MUC4: variants seen among roughly 807,000 people sequenced by gnomAD.
The protein encoded by MUC4 is mucin 4, cell surface associated, also known as mucin-4.
Under a neutral mutation model 257.9 loss-of-function variants are expected in MUC4, and 202 were observed. That is an observed-to-expected ratio of 0.78 (90% CI 0.70 to 0.88). The LOEUF (loss-of-function observed/expected upper bound fraction) is 0.88, where lower values mean the gene tolerates loss of function less well. Among genes scored for constraint, MUC4 ranks in the 40% least tolerant of loss-of-function variants. MUC4 has a pLI of 0.00. For missense variants in MUC4, 5,976 were observed against 6,513.7 expected, an observed-to-expected ratio of 0.92 and a Z score of 2.84; for synonymous variants, 2,351 against 2,757.1, an observed-to-expected ratio of 0.85 and a Z score of 4.62.
chr3:195,778,843 G>C lies in MUC4; in HGVS notation c.12737C>G (p.Ala4246Gly), dbSNP rs374917495. 1.2e-5 allele frequency: 20 copies of C among 1,611,906 alleles called. No homozygotes were observed. Among genetic ancestry groups the C allele is most frequent in the African/African-American group, 9.4e-5 (7 of 74,856 alleles). ...CGAGGATACTGTGGAAGCTGAGGTA[G>C]CACTGCTGACAGCAAGAGGGGTGGC... ...GHATPLAVSS[A>G]TSASTVSSDS... Residue 4246 changes from alanine (A) to glycine (G), a missense_variant, in exon 2 of 25, where the codon GCT (alanine) becomes GGT (glycine). Transcript: ENST00000463781.
rs1205584837 is a variant in MUC4 at position 195,786,410 on chromosome 3, C to T, written c.5170G>A (p.Gly1724Ser). The T allele has an allele frequency of 1.3e-6, 2 of 1,531,990 alleles. No homozygotes were observed. The highest frequency in any genetic ancestry group is 2.5e-5 in the East Asian group (1 of 40,472). 94.9% of individuals were successfully genotyped at this position (1,531,990 alleles called of 1,614,324 possible). The change falls in exon 2 of 25, where the codon GGT becomes AGT. Residue 1724 changes from glycine to serine, a missense_variant. Gly to Ser is a moderately conservative substitution (Grantham distance 56). This residue lies in a region of MUC4 where 138 missense variants were observed against 107.8 expected (regional missense o/e 1.28). Coordinates refer to ENST00000463781, the MANE Select transcript of MUC4 (RefSeq NM_018406.7). The stretch of plus-strand genomic sequence containing the variant: ...GTGACAGGAAGAGGCGTGGTGTCAC[C>T]TGTGGATACTGAGGAAAGGCTGGTG... ...PVTSLSSVST[G>S]DTTPLPVTSP...
chr3:195,789,219 G>A lies in MUC4; in HGVS notation c.2361C>T (p.Thr787=), dbSNP rs1358360843. 3 of 1,613,918 alleles carry A rather than the reference G, an allele frequency of 1.9e-6. 1 individual carries two copies. The Admixed American group carries it at 5.0e-5, about 27-fold the overall frequency. The part of the protein sequence containing the change: ...ESTEASGQTQ[T]SEPASSGSRT... ...GTGACCCTGAGGAGGCCGGTTCGCT[G>A]GTCTGTGTTTGTCCAGAGGCCTCTG... The change falls in exon 2 of 25, where the codon ACC becomes ACT. Residue 787 remains threonine, a synonymous_variant. Transcript: ENST00000463781.
chr3:195,803,288 G>A (rs748093989), intron 1 of MUC4, among the ~76,000 whole-genome samples: 1 of 152,196 alleles, frequency 6.6e-6, no homozygotes, highest in Non-Finnish European at 1.5e-5. Flanking sequence ...CCCGATTCTT[G>A]CGTGCCTTCC....
Position 195,782,955 on chromosome 3 carries a change from T to G in MUC4, c.8625A>C (p.Thr2875=), listed in dbSNP as rs1437772700. 50 of 1,209,580 alleles carry G rather than the reference T, an allele frequency of 4.1e-5. 2 individuals are homozygous for G. Among genetic ancestry groups the G allele is most frequent in the Middle Eastern group, 5.6e-4 (2 of 3,548 alleles). 74.9% of individuals were successfully genotyped at this position (1,209,580 alleles called of 1,614,324 possible). A position where few individuals can be genotyped will look rare whatever the true frequency, so the allele number is the denominator to read the frequency against. The change falls in exon 2 of 25, where the codon ACA becomes ACC. Residue 2875 remains threonine, a synonymous_variant. Transcript: ENST00000463781. The part of the protein sequence containing the change: ...LPVTDASSVS[T]GHATPLPVTD... ...TGACAGGAAGAGGGGTGGCATGACC[T>G]GTGGACACTGAGGAAGCGTCGGTGA... is the stretch of plus-strand genomic sequence containing the variant.
Position 195,780,551 on chromosome 3 carries a change from C to T in MUC4, c.11029G>A (p.Asp3677Asn). 5.9e-6 allele frequency: 3 copies of T among 506,946 alleles called. No individual in the cohort carries two copies. Among genetic ancestry groups the T allele is most frequent in the Non-Finnish European group, 8.4e-6 (3 of 358,358 alleles). The allele number at this position is 506,946 out of a possible 1,614,324, so 31.4% of individuals were successfully genotyped here. A position where few individuals can be genotyped will look rare whatever the true frequency, so the allele number is the denominator to read the frequency against. The change falls in exon 2 of 25, where the codon GAC becomes AAC. Residue 3677 changes from aspartate to asparagine, a missense_variant. Asp to Asn is a conservative substitution (Grantham distance 23, BLOSUM62 1). Around this residue, in one of 44 missense-constraint regions of MUC4, gnomAD observed 330 missense variants for 262.0 expected, o/e 1.26. Coordinates refer to ENST00000463781, the MANE Select transcript of MUC4 (RefSeq NM_018406.7). ...VTDTSSASTG[D>N]TTRLPVTDTS... ...TCCGTGACAGGAAGACGGGTGGTGT[C>T]ACCTGTGGATGCTGAGGAAGTGTCG...
intron 1 of MUC4, among the ~76,000 whole-genome samples, chr3:195,793,336 G>GA (rs1005590895): frequency 1.3e-4 from 20 of 149,638 alleles, no homozygotes; most frequent in South Asian, 1.1e-3. Context: ...GTCTCTACTA[G>GA]AAAAAAAAAT....
In MUC4 at chr3:195,782,906, C is replaced by G. The variant is rs1729003471; in HGVS notation, c.8674G>C (p.Gly2892Arg). The G allele has an allele frequency of 1.3e-6, 2 of 1,515,814 alleles. No individual in the cohort carries two copies. The highest frequency in any genetic ancestry group is 2.0e-5 in the Admixed American group (1 of 49,336). The allele number at this position is 1,515,814 out of a possible 1,614,324, so 93.9% of individuals were successfully genotyped here. ...GTGAGAGGAAGAGGGGTAGCGTGAC[C>G]TGTGGACACTGAGGAAGCGTCGGTG... ...PVTDASSVST[G>R]HATPLPLTSL... The change falls in exon 2 of 25, where the codon GGT becomes CGT. Residue 2892 changes from glycine to arginine, a missense_variant. Gly to Arg is a moderately radical substitution (Grantham distance 125). Around this residue, in one of 44 missense-constraint regions of MUC4, gnomAD observed 228 missense variants for 206.3 expected, o/e 1.11. Coordinates refer to ENST00000463781, the MANE Select transcript of MUC4 (RefSeq NM_018406.7).
At position 195,788,769 on chromosome 3, in the gene MUC4, G is replaced by C; in HGVS notation, c.2811C>G (p.Pro937=). Residue 937 remains proline, a synonymous_variant, in exon 2 of 25, where the codon CCC becomes CCG. Transcript: ENST00000463781. ...CAGTGGATGTGATCGATGGAGGTGTGGGTGGGACTGTTGAGAAGGTGTCGG... is the reference window on the plus strand; with the variant it reads ...CAGTGGATGTGATCGATGGAGGTGTCGGTGGGACTGTTGAGAAGGTGTCGG... ...QATDTFSTVP[P]TPPSITSTGL... The C allele has an allele frequency of 6.2e-7, 1 of 1,613,922 alleles. No individual in the cohort carries two copies. The highest frequency in any genetic ancestry group is 8.5e-7 in the Non-Finnish European group (1 of 1,179,840).
rs758466462 is a variant in MUC4 at position 195,759,168 on chromosome 3, G to C, written c.14942C>G (p.Ala4981Gly). Residue 4981 changes from alanine to glycine, a missense_variant, in exon 17 of 25, where the codon GCC becomes GGC. By Grantham distance (60) the Ala-to-Gly change is moderately conservative. Transcript: ENST00000463781. ...LIQYTSNAED[A>G]NFTLRDSCTD... ...GCAGCTGTCTCTGAGCGTGAAGTTG[G>C]CATCCTCAGCATTGCTGGTGTACTG... The C allele has an allele frequency of 1.9e-6, 3 of 1,613,946 alleles. No homozygotes were observed. The highest frequency in any genetic ancestry group is 1.7e-5 in the Admixed American group (1 of 59,992).
Position 195,811,763 on chromosome 3 carries a change from G to A in MUC4, c.55C>T (p.Leu19Phe). The A allele has an allele frequency of 6.2e-7, 1 of 1,614,082 alleles. No homozygotes were observed. The highest frequency in any genetic ancestry group is 1.1e-5 in the South Asian group (1 of 91,086). ...GGGACCACATGCGGAAGGAGGCAGA[G>A]ACACAGGCAGCTCAGGGACACCCAG... ...VPWVSLSCLC[L>F]CLLPHVVPGT... Residue 19 changes from leucine (L) to phenylalanine (F), a missense_variant, in exon 1 of 25, where the codon CTC becomes TTC. Leu to Phe is a conservative substitution (Grantham distance 22). Transcript: ENST00000463781.
chr3:195,756,647 T>TTTC (rs1717726705), intron 18 of MUC4, among the ~76,000 whole-genome samples: 1 of 9,060 alleles, frequency 1.1e-4, no homozygotes, highest in Non-Finnish European at 3.8e-4. Context: ...TCTTTCTTTC[T>TTTC]TTTCTTTTCT....
At chr3:195,767,435 T>TCACCAC (rs1720797632) in intron 7 of MUC4, among the ~76,000 whole-genome samples, 1 of 97,220 alleles carries the variant, frequency 1.0e-5, no homozygotes, top group African/African-American at 4.3e-5. Context: ...ACCATCACCA[T>TCACCAC]CACCATCACC....
intron 1 of MUC4, among the ~76,000 whole-genome samples, chr3:195,794,114 G>C (rs1734244661): frequency 1.0e-5 from 1 of 95,340 alleles, no homozygotes; most frequent in Non-Finnish European, 2.4e-5. Context: ...AATAAAAATA[G>C]ATATTAAATA....
Position 195,786,370 on chromosome 3 carries a change from G to T in MUC4, c.5210C>A (p.Ala1737Glu), listed in dbSNP as rs75017457. 9.2e-6 allele frequency: 14 copies of T among 1,522,428 alleles called. 1 individual carries two copies. Among genetic ancestry groups the T allele is most frequent in the Non-Finnish European group, 1.2e-5 (14 of 1,129,266 alleles). 94.3% of individuals were successfully genotyped at this position (1,522,428 alleles called of 1,614,324 possible). A position where few individuals can be genotyped will look rare whatever the true frequency, so the allele number is the denominator to read the frequency against. The change falls in exon 2 of 25, where the codon GCA (alanine) becomes GAA (glutamate). Residue 1737 changes from alanine to glutamate, a missense_variant. By Grantham distance (107) the Ala-to-Glu change is moderately radical. This residue lies in a region of MUC4 where 138 missense variants were observed against 107.8 expected (regional missense o/e 1.28). Transcript: ENST00000463781. ...AAGAGGGCTGGCGTGACCTGTGGAT[G>T]CTGAGGAAGGGCTAGTGACAGGAAG... ...TPLPVTSPSS[A>E]STGHASPLLV...
intron 3 of MUC4, among the ~76,000 whole-genome samples, chr3:195,774,888 G>A (rs1054587032): frequency 8.7e-4 from 85 of 97,878 alleles, no homozygotes; most frequent in Middle Eastern, 0.015. Flanking sequence ...CAACAAGAGC[G>A]AAAACTCCAT....
rs373391598 is a variant in MUC4, at chr3:195,770,302, T to C, written c.13312A>G (p.Thr4438Ala). 1.2e-6 allele frequency: 2 copies of C among 1,614,004 alleles called. No homozygotes were observed. The highest frequency in any genetic ancestry group is 2.7e-5 in the African/African-American group (2 of 74,914). The change falls in exon 6 of 25, where the codon ACA becomes GCA. Residue 4438 changes from threonine (T) to alanine (A), a missense_variant. This residue lies in a region of MUC4 where 996 missense variants were observed against 1,137.3 expected (regional missense o/e 0.88). Transcript: ENST00000463781. ...CTGGCCTTGTAGCCCCCGTTGTTTG[T>C]CATCTTTCTAATCCAAGACTCGGCC... Reference protein sequence around the residue: ...QQAESWIRKMTNNGGYKARWA... With the variant: ...QQAESWIRKMANNGGYKARWA...
At chr3:195,803,061 C>T (rs1735554957) in intron 1 of MUC4, among the ~76,000 whole-genome samples, 1 of 152,142 alleles carries the variant, frequency 6.6e-6, no homozygotes, top group Non-Finnish European at 1.5e-5. Flanking sequence ...GTATATACTC[C>T]CTTCCATTTC....
intron 15 of MUC4, 43 bp downstream of exon 15, chr3:195,761,441 C>T (rs747313880): frequency 6.0e-6 from 9 of 1,499,810 alleles, no homozygotes; most frequent in Non-Finnish European, 8.4e-6. Flanking sequence ...CATACCGGCT[C>T]CCCTCACCTG....
intron 7 of MUC4, among the ~76,000 whole-genome samples, chr3:195,767,621 TCACCACCA>T (rs1560262671): frequency 1.9e-3 from 53 of 27,208 alleles, no homozygotes; most frequent in Non-Finnish European, 2.7e-3. Context: ...GCCACCACCA[TCACCACCA>T]TCACCACCAC....
Sources: gnomAD v4.1 joint callset for allele counts (sites outside exome capture counted in the v4.1 genomes callset) on GRCh38, gnomAD v4.1.1 for gene constraint, gnomAD v4.1.1 regional missense constraint, MANE v1.5 for transcripts, NCBI Gene and HGNC (gene_info 2026-07-23, HGNC 2026-07-21) for gene names.